Variants in MCC observed in about 807,000 individuals in gnomAD.
MCC encodes the protein colorectal mutant cancer protein.
In MCC, 90 loss-of-function variants were observed where a neutral mutation model predicts 116.2. The ratio of observed to expected loss-of-function variants is 0.77; its 90% confidence interval spans 0.65 to 0.92. The LOEUF (loss-of-function observed/expected upper bound fraction) is 0.92, where lower values mean the gene tolerates loss of function less well. Ranked by LOEUF, MCC falls within the 40% of genes least tolerant of loss-of-function variation. The pLI is 0.00. For synonymous variants in MCC, 578 were observed against 510.5 expected, an observed-to-expected ratio of 1.13 and a Z score of -1.78; for missense variants, 1,516 against 1,312.2, an observed-to-expected ratio of 1.16 and a Z score of -2.40.
At chr5:113,072,904 A>G (rs1299054867) in intron 11 of MCC, among the ~76,000 whole-genome samples, 1 of 152,028 alleles carries the variant, frequency 6.6e-6, no homozygotes, top group Non-Finnish European at 1.5e-5. Context: ...TTAACATTCC[A>G]AAGTGGGATT....
intron 2 of MCC, among the ~76,000 whole-genome samples, chr5:113,356,678 C>G (rs1454031276): frequency 6.6e-6 from 1 of 152,150 alleles, no homozygotes; most frequent in South Asian, 2.1e-4. Context: ...AAGTGCCACC[C>G]AGGTTTGGCT....
chr5:113,099,639 G>A (rs1581056694), intron 8 of MCC, among the ~76,000 whole-genome samples: 1 of 152,232 alleles, frequency 6.6e-6, no homozygotes, highest in South Asian at 2.1e-4. Context: ...AAGACTCGTG[G>A]TGACTTGGCA....
At chr5:113,211,971 T>A (rs548838017) in intron 3 of MCC, among the ~76,000 whole-genome samples, 15 of 152,298 alleles carry the variant, frequency 9.8e-5, no homozygotes, top group Middle Eastern at 6.8e-3. Flanking sequence ...GTAAAGTACC[T>A]CTAATTTTCA....
chr5:113,096,047 C>T (rs1047630373), intron 8 of MCC, among the ~76,000 whole-genome samples: 2 of 152,192 alleles, frequency 1.3e-5, no homozygotes, highest in Non-Finnish European at 2.9e-5. Context: ...CCTCCCTCCA[C>T]TTCTAGCTCA....
chr5:113,247,946 G>A (rs773013341), intron 3 of MCC, among the ~76,000 whole-genome samples: 5 of 152,128 alleles, frequency 3.3e-5, no homozygotes, highest in Admixed American at 2.6e-4. Flanking sequence ...GTTGAGAGTC[G>A]CCCAAAACCA....
intron 3 of MCC, among the ~76,000 whole-genome samples, chr5:113,201,984 G>C (rs1186490604): frequency 6.6e-6 from 1 of 151,932 alleles, no homozygotes; most frequent in Admixed American, 6.6e-5. Context: ...CATTTTCATC[G>C]CTCCTCTTTC....
At chr5:113,410,707 T>C (rs1174983948) in intron 1 of MCC, among the ~76,000 whole-genome samples, 5 of 152,220 alleles carry the variant, frequency 3.3e-5, no homozygotes, top group Admixed American at 2.0e-4. Flanking sequence ...GCTGCACCCA[T>C]TGAGACGTCA....
At chr5:113,218,626 A>G (rs535314113) in intron 3 of MCC, among the ~76,000 whole-genome samples, 81 of 152,346 alleles carry the variant, frequency 5.3e-4, no homozygotes, top group African/African-American at 1.8e-3. Flanking sequence ...AAAAAATGTT[A>G]AACAAGAAAA....
chr5:113,409,831 C>A (rs557075344), intron 1 of MCC, among the ~76,000 whole-genome samples: 1 of 152,212 alleles, frequency 6.6e-6, no homozygotes, highest in Admixed American at 6.5e-5. Flanking sequence ...TTCCTAGACT[C>A]GAGACTACGG....
At chr5:113,185,104 C>T (rs574717680) in intron 3 of MCC, among the ~76,000 whole-genome samples, 14 of 152,148 alleles carry the variant, frequency 9.2e-5, no homozygotes, top group Non-Finnish European at 1.9e-4. Context: ...ACAGCCTCTG[C>T]ACGATGGTTC....
intron 2 of MCC, among the ~76,000 whole-genome samples, chr5:113,349,129 G>A (rs952607502): frequency 9.9e-5 from 15 of 151,910 alleles, no homozygotes; most frequent in African/African-American, 3.6e-4. Flanking sequence ...AACATTTAAA[G>A]AACTAATGCC....
intron 1 of MCC, among the ~76,000 whole-genome samples, chr5:113,444,899 C>G (rs1394788114): frequency 6.6e-6 from 1 of 152,128 alleles, no homozygotes. Flanking sequence ...CCACAATAAC[C>G]CTATAAAGGA....
chr5:113,279,045 T>C (rs1224697927), intron 3 of MCC, among the ~76,000 whole-genome samples: 1 of 152,220 alleles, frequency 6.6e-6, no homozygotes, highest in East Asian at 1.9e-4. Flanking sequence ...GAAAAGCCCA[T>C]GAGTCTTTAG....
intron 7 of MCC, 44 bp from the exon 8 acceptor site, chr5:113,101,989 G>C: frequency 1.9e-6 from 3 of 1,589,778 alleles, no homozygotes; most frequent in Non-Finnish European, 2.6e-6. Context: ...AGTTACCTTG[G>C]AGAAAGGGGA....
chr5:113,085,350 C>T (rs1475139598), intron 8 of MCC, 40 bp from the exon 9 acceptor site: 2 of 1,566,142 alleles, frequency 1.3e-6, no homozygotes, highest in South Asian at 1.2e-5. Context: ...GGTGGTTTCC[C>T]TGGCTAAAGA....
intron 3 of MCC, among the ~76,000 whole-genome samples, chr5:113,151,753 T>G (rs1759890065): frequency 6.6e-6 from 1 of 152,200 alleles, no homozygotes; most frequent in South Asian, 2.1e-4. Context: ...GAAGTGGAGC[T>G]GCCTGATTCT....
At chr5:113,199,992 CCGTG>C (rs1044933156) in intron 3 of MCC, among the ~76,000 whole-genome samples, 1 of 145,798 alleles carries the variant, frequency 6.9e-6, no homozygotes, top group Non-Finnish European at 1.5e-5. Context: ...TTTTTAGGAA[CCGTG>C]TGTGAGACAC....
chr5:113,354,512 G>A (rs1216332696), intron 2 of MCC, among the ~76,000 whole-genome samples: 2 of 148,926 alleles, frequency 1.3e-5, no homozygotes, highest in Non-Finnish European at 3.0e-5. Context: ...TCGGCTCACT[G>A]CAATCTCCAC....
At chr5:113,463,097 A>G (rs1454284604) in intron 1 of MCC, among the ~76,000 whole-genome samples, 1 of 152,222 alleles carries the variant, frequency 6.6e-6, no homozygotes, top group African/African-American at 2.4e-5. Flanking sequence ...TATCCAGTGC[A>G]CAGGAGCTAG....
Sources: allele counts gnomAD v4.1 joint callset (sites outside exome capture counted in the v4.1 genomes callset), GRCh38; gene constraint gnomAD v4.1.1; transcripts MANE v1.5; gene names NCBI Gene and HGNC (gene_info 2026-07-23, HGNC 2026-07-21).